The following LRFN5 variants were observed in gnomAD, a reference collection of about 807,000 sequenced individuals.
The protein encoded by LRFN5 is leucine rich repeat and fibronectin type III domain containing 5.
A neutral mutation model predicts 45.6 loss-of-function variants in LRFN5; 24 were observed. That is an observed-to-expected ratio of 0.53 (90% confidence interval 0.38 to 0.74). The LOEUF (loss-of-function observed/expected upper bound fraction) is 0.74, where lower values mean the gene tolerates loss of function less well. Ranked by LOEUF, LRFN5 falls within the 30% of genes least tolerant of loss-of-function variation. The probability of loss-of-function intolerance (pLI) is 0.00; values close to 1 mark genes in which losing one functional copy is unlikely to be tolerated. For missense variants in LRFN5, 776 were observed against 861.5 expected (o/e 0.90, Z 1.24); for synonymous variants, 340 against 313.8 (o/e 1.08, Z -0.88).
At position 41,607,419 on chromosome 14, in the gene LRFN5, C is replaced by T. The variant is rs1009591525; in HGVS notation, c.-1340C>T. On this transcript the variant is annotated 5_prime_UTR_variant, in exon 1 of 6. Transcript: ENST00000298119. ...AGACTTGAGAAGACTTTGATAACCT[C>T]CCTGCTGGCCCTTCTGTGTTCCGGA... Among the ~76,000 whole-genome samples, 1 of 152,180 alleles carries T rather than the reference C, an allele frequency of 6.6e-6. No homozygotes were observed. Among genetic ancestry groups the T allele is most frequent in the Non-Finnish European group, 1.5e-5 (1 of 68,038 alleles).
chr14:41,608,940 T>G (rs1246849154), intron 1 of LRFN5, among the ~76,000 whole-genome samples: 1 of 152,132 alleles, frequency 6.6e-6, no homozygotes, highest in Non-Finnish European at 1.5e-5. Context: ...TGTGAGTGGG[T>G]GTTTGGTTTC....
intron 1 of LRFN5, among the ~76,000 whole-genome samples, chr14:41,717,409 T>C (rs1480916300): frequency 1.3e-5 from 2 of 152,224 alleles, no homozygotes; most frequent in East Asian, 3.9e-4. Flanking sequence ...TTTTTCTATG[T>C]CTTGCTAGAT....
chr14:41,840,822 G>T lies in LRFN5; in HGVS notation c.-20-45784G>T, dbSNP rs74584357. The stretch of plus-strand genomic sequence containing the variant: ...TGTTGATATTAAATGATTTAATAAT[G>T]TGGTATCTATTTGTTGTATAAACCT... On this transcript the variant is annotated intron_variant, in intron 2 of 5. Transcript: ENST00000298119. Among the ~76,000 whole-genome samples the T allele has an allele frequency of 3.5e-3, 530 of 152,032 alleles. 4 individuals carry two copies. Among genetic ancestry groups the T allele is most frequent in the African/African-American group, 0.012 (509 of 41,538 alleles).
At chr14:41,787,220 G>A (rs996067576) in intron 2 of LRFN5, among the ~76,000 whole-genome samples, 9 of 151,806 alleles carry the variant, frequency 5.9e-5, no homozygotes, top group African/African-American at 2.2e-4. Context: ...TAAATTATTG[G>A]TTGTTGGATT....
chr14:41,619,609 G>C (rs956421800), intron 1 of LRFN5, among the ~76,000 whole-genome samples: 4 of 151,870 alleles, frequency 2.6e-5, no homozygotes, highest in African/African-American at 9.7e-5. Flanking sequence ...TGTAAGATAG[G>C]TAATGTGTGG....
chr14:41,736,959 C>T (rs1022855749), intron 1 of LRFN5, among the ~76,000 whole-genome samples: 11 of 151,918 alleles, frequency 7.2e-5, no homozygotes, highest in Admixed American at 7.2e-4. Context: ...GAAACTATTC[C>T]AAACAATAGA....
intron 2 of LRFN5, among the ~76,000 whole-genome samples, chr14:41,812,939 A>G (rs570008024): frequency 6.6e-6 from 1 of 152,250 alleles, no homozygotes; most frequent in Middle Eastern, 3.4e-3. Flanking sequence ...CAGACTAGAG[A>G]AAAGACACAC....
intron 3 of LRFN5, among the ~76,000 whole-genome samples, chr14:41,890,757 A>T (rs927785458): frequency 2.6e-5 from 4 of 152,066 alleles, no homozygotes; most frequent in Non-Finnish European, 5.9e-5. Flanking sequence ...GTTATTAAGT[A>T]TATATTTACT....
chr14:41,735,826 A>G (rs147330027), intron 1 of LRFN5, among the ~76,000 whole-genome samples: 44 of 152,030 alleles, frequency 2.9e-4, no homozygotes, highest in East Asian at 2.3e-3. Flanking sequence ...TCATTGTTCA[A>G]TTCCCACTTA....
rs1252997101 is a variant in LRFN5, at chr14:41,781,612, GAAAGAGAA to G, written c.-21+14585_-21+14592del. On this transcript the variant is annotated intron_variant, in intron 2 of 5. Transcript: ENST00000298119. Reference sequence around the variant, plus strand: ...AGAAAGAAAGAAAGAAAGAAAGAAAGAAAGAGAAAGAAAGAAAGAAAGGAAAGAAAGAA... The same window carrying G: ...AGAAAGAAAGAAAGAAAGAAAGAAAGAGAAAGAAAGAAAGGAAAGAAAGAA... Among the ~76,000 whole-genome samples the G allele has an allele frequency of 2.8e-3, 239 of 84,394 alleles. 1 individual carries two copies. The highest frequency in any genetic ancestry group is 0.013 in the African/African-American group (207 of 16,528). The allele number at this position is 84,394 out of a possible 152,430, so 55.4% of individuals were successfully genotyped here.
intron 2 of LRFN5, among the ~76,000 whole-genome samples, chr14:41,841,619 A>G (rs1453726205): frequency 2.0e-5 from 3 of 151,644 alleles, no homozygotes; most frequent in East Asian, 3.9e-4. Flanking sequence ...CCTCTTCTTG[A>G]TGGTCTCACA....
At chr14:41,711,835 A>G (rs941086717) in intron 1 of LRFN5, among the ~76,000 whole-genome samples, 1 of 152,220 alleles carries the variant, frequency 6.6e-6, no homozygotes, top group Non-Finnish European at 1.5e-5. Context: ...ATGTTCTTAG[A>G]TTTTGGAATG....
chr14:41,754,819 T>A (rs1031022091), intron 1 of LRFN5, among the ~76,000 whole-genome samples: 1 of 152,180 alleles, frequency 6.6e-6, no homozygotes, highest in African/African-American at 2.4e-5. Context: ...GTTGAATATG[T>A]TTGCTTTTGC....
intron 2 of LRFN5, among the ~76,000 whole-genome samples, chr14:41,789,153 T>C (rs1383834270): frequency 6.6e-6 from 1 of 152,050 alleles, no homozygotes; most frequent in African/African-American, 2.4e-5. Context: ...ATTAAATTTA[T>C]TTTAAAGACC....
intron 1 of LRFN5, among the ~76,000 whole-genome samples, chr14:41,634,203 C>G (rs972532870): frequency 6.6e-6 from 1 of 152,068 alleles, no homozygotes; most frequent in Admixed American, 6.6e-5. Context: ...TCATAATGAG[C>G]TCCACCACAC....
intron 1 of LRFN5, among the ~76,000 whole-genome samples, chr14:41,642,183 T>G (rs1879609421): frequency 6.6e-6 from 1 of 152,170 alleles, no homozygotes; most frequent in South Asian, 2.1e-4. Flanking sequence ...AACATAACTC[T>G]TATAACACTT....
At chr14:41,734,135 C>T (rs181996549) in intron 1 of LRFN5, among the ~76,000 whole-genome samples, 415 of 138,726 alleles carry the variant, frequency 3.0e-3, no homozygotes, top group African/African-American at 9.6e-3. Context: ...AAGCAATTCT[C>T]CCGCCTCAGC....
chr14:41,675,939 G>A (rs906642672), intron 1 of LRFN5, among the ~76,000 whole-genome samples: 4 of 152,042 alleles, frequency 2.6e-5, no homozygotes, highest in Non-Finnish European at 5.9e-5. Context: ...TAAAAACAGC[G>A]AGGGACTGCT....
intron 2 of LRFN5, among the ~76,000 whole-genome samples, chr14:41,841,919 T>C (rs536932875): frequency 6.6e-6 from 1 of 152,084 alleles, no homozygotes; most frequent in South Asian, 2.1e-4. Flanking sequence ...AAACTCACTA[T>C]GCCCTAATTA....
Sources: gnomAD v4.1 joint callset for allele counts (sites outside exome capture counted in the v4.1 genomes callset) on GRCh38, gnomAD v4.1.1 for gene constraint, MANE v1.5 for transcripts, NCBI Gene and HGNC (gene_info 2026-07-23, HGNC 2026-07-21) for gene names.